The following DNAH10 variants were observed in gnomAD, a reference collection of about 807,000 sequenced individuals.
DNAH10 encodes the protein dynein axonemal heavy chain 10.
In DNAH10, 348 loss-of-function variants were observed where a neutral mutation model predicts 506.6. That is an observed-to-expected ratio of 0.69 (90% CI 0.63 to 0.75). The LOEUF is 0.75. DNAH10 is among the 30% of genes least tolerant of loss of function. The pLI, the probability that DNAH10 is intolerant of heterozygous loss-of-function variation, is 0.00. For missense variants in DNAH10, 5,179 were observed against 5,787.1 expected, an observed-to-expected ratio of 0.89 and a Z score of 3.41; for synonymous variants, 2,059 against 2,198.6, an observed-to-expected ratio of 0.94 and a Z score of 1.78.
rs772107440 is a variant in DNAH10, at chr12:123,790,063, G to A, written c.1757G>A (p.Ser586Asn). 2.5e-6 allele frequency: 4 copies of A among 1,614,142 alleles called. No individual in the cohort carries two copies. The highest frequency in any genetic ancestry group is 2.2e-5 in the East Asian group (1 of 44,874). ...GAAAACCTGACCTTTGACCCCTTCA[G>A]CATCAAGTCCTCCCAGTTCTGGAAA... is the stretch of plus-strand genomic sequence containing the variant. ...PMENLTFDPF[S>N]IKSSQFWKYV... The change falls in exon 11 of 79, where the codon AGC (serine) becomes AAC (asparagine). Residue 586 changes from serine to asparagine, a missense_variant. Physicochemically the swap from Ser to Asn is conservative, Grantham distance 46. Around this residue, in one of 3 missense-constraint regions of DNAH10, gnomAD observed 4,844 missense variants for 5,430.5 expected, o/e 0.89. Coordinates refer to ENST00000673944, the MANE Select transcript of DNAH10 (RefSeq NM_001372106.1).
Position 123,928,145 on chromosome 12 carries a change from G to T in DNAH10, c.12106-242G>T. The T allele has an allele frequency of 1.7e-6, 1 of 590,530 alleles. No homozygotes were observed. Among genetic ancestry groups the T allele is most frequent in the South Asian group, 2.0e-5 (1 of 49,046 alleles). The allele number at this position is 590,530 out of a possible 1,614,324, so 36.6% of individuals were successfully genotyped here. On this transcript the variant is annotated intron_variant, in intron 69 of 78. Coordinates refer to ENST00000673944, the MANE Select transcript of DNAH10 (RefSeq NM_001372106.1). The surrounding 1 kb of genome is among the most constrained non-coding windows in gnomAD (Gnocchi z 4.9). ...CTTCCAGGGCCAGGGAGGCAGATGA[G>T]TGCAAAATGCTCACCCATCTTCCAG...
intron 24 of DNAH10, among the ~76,000 whole-genome samples, chr12:123,823,318 G>A (rs1959618481): frequency 6.6e-6 from 1 of 152,244 alleles, no homozygotes; most frequent in African/African-American, 2.4e-5. Context: ...GAAGCGGCCG[G>A]TGGAGATGAA....
chr12:123,762,522 G>A lies in DNAH10; in HGVS notation c.186G>A (p.Met62Ile). The part of the protein sequence containing the change: ...GPSALFIYRT[M>I]VPEEVEVEID... ...CGGCGCTCTTCATCTACCGCACTAT[G>A]GTGCCGGAGGAGGTGGAGGTGGAGA... Residue 62 changes from methionine (M) to isoleucine (I), a missense_variant, in exon 1 of 79, where the codon ATG (methionine) becomes ATA (isoleucine). Met to Ile is a conservative substitution (Grantham distance 10). Transcript: ENST00000673944. The surrounding 1 kb of genome is among the most constrained non-coding windows in gnomAD (Gnocchi z 5.0). The A allele has an allele frequency of 1.3e-6, 2 of 1,556,502 alleles. No individual in the cohort carries two copies. The highest frequency in any genetic ancestry group is 1.7e-6 in the Non-Finnish European group (2 of 1,151,044).
intron 13 of DNAH10, among the ~76,000 whole-genome samples, chr12:123,798,513 C>T (rs1305055002): frequency 1.3e-5 from 2 of 152,116 alleles, no homozygotes; most frequent in South Asian, 2.1e-4. Context: ...ATTCCGCCTT[C>T]GTGATCCAGT....
At chr12:123,915,512 AC>A (rs1459919182) in intron 62 of DNAH10, among the ~76,000 whole-genome samples, 2 of 146,456 alleles carry the variant, frequency 1.4e-5, no homozygotes, top group African/African-American at 2.7e-5. Flanking sequence ...TTTAGCCATC[AC>A]CCCTCCAGTC....
At chr12:123,863,664 G>C (rs1026089813) in intron 39 of DNAH10, among the ~76,000 whole-genome samples, 1 of 152,084 alleles carries the variant, frequency 6.6e-6, no homozygotes, top group Admixed American at 6.5e-5. Flanking sequence ...TCTCTTATAA[G>C]GACATTTGTC....
chr12:123,869,370 G>A (rs1025761631), intron 43 of DNAH10, among the ~76,000 whole-genome samples: 1 of 151,878 alleles, frequency 6.6e-6, no homozygotes, highest in African/African-American at 2.4e-5. Context: ...GAATCCCTCC[G>A]AGAAAACTCC....
chr12:123,895,174 T>C (rs1040004247), intron 54 of DNAH10, among the ~76,000 whole-genome samples: 1 of 152,248 alleles, frequency 6.6e-6, no homozygotes, highest in African/African-American at 2.4e-5. Flanking sequence ...ATCCAAAGAA[T>C]GCTCCAAGGA....
rs773000743 is a variant in DNAH10 at position 123,838,602 on chromosome 12, C to T, written c.5049C>T (p.Phe1683=). The T allele has an allele frequency of 9.3e-6, 15 of 1,614,018 alleles. No individual in the cohort carries two copies. Among genetic ancestry groups the T allele is most frequent in the Non-Finnish European group, 1.3e-5 (15 of 1,179,908 alleles). The change falls in exon 29 of 79, where the codon TTC becomes TTT. Residue 1683 remains phenylalanine, a synonymous_variant. Coordinates refer to ENST00000673944, the MANE Select transcript of DNAH10 (RefSeq NM_001372106.1). ...ACTTAGATTCGAAGAGAAATGCTTTCCCAAGGTTCTTCTTCATTTCTGACG... is the reference window on the plus strand; with the variant it reads ...ACTTAGATTCGAAGAGAAATGCTTTTCCAAGGTTCTTCTTCATTTCTGACG... ...NDYLDSKRNA[F]PRFFFISDDE... is the part of the protein sequence containing the mutation.
At chr12:123,837,142 T>C (rs950916149) in intron 28 of DNAH10, among the ~76,000 whole-genome samples, 4 of 138,738 alleles carry the variant, frequency 2.9e-5, no homozygotes, top group Non-Finnish European at 4.6e-5. Flanking sequence ...TGAGCCACTG[T>C]GCCCAGCCGG....
chr12:123,806,591 C>G (rs1299500886), intron 18 of DNAH10, among the ~76,000 whole-genome samples: 1 of 152,070 alleles, frequency 6.6e-6, no homozygotes, highest in Non-Finnish European at 1.5e-5. Flanking sequence ...AAAACAAAAA[C>G]CTTTGGTCTT....
At chr12:123,862,780 A>G (rs1471036927) in intron 39 of DNAH10, among the ~76,000 whole-genome samples, 1 of 152,172 alleles carries the variant, frequency 6.6e-6, no homozygotes, top group African/African-American at 2.4e-5. Context: ...AGATAATAGT[A>G]TTGTATCAAT....
rs1397747286 is a variant in DNAH10, at chr12:123,916,162, C to G, written c.10723-295C>G. ...GAGCACTGAAATTGTCAGCCTACCC[C>G]TAGTCCAATTCCAACATCTACCCTC... On this transcript the variant is annotated intron_variant, in intron 62 of 78. Transcript: ENST00000673944. The surrounding 1 kb of genome is among the most constrained non-coding windows in gnomAD (Gnocchi z 4.6). 6.6e-6 allele frequency among the ~76,000 whole-genome samples: 1 copy of G among 152,182 alleles called. No homozygotes were observed. Among genetic ancestry groups the G allele is most frequent in the Non-Finnish European group, 1.5e-5 (1 of 68,036 alleles).
Position 123,867,557 on chromosome 12 carries a change from G to A in DNAH10, c.7258G>A (p.Ala2420Thr). The change falls in exon 42 of 79, where the codon GCA becomes ACA. Residue 2420 changes from alanine (A) to threonine (T), a missense_variant. Ala to Thr is a moderately conservative substitution (Grantham distance 58, BLOSUM62 0). Transcript: ENST00000673944. ...GGAAGGAATTGTGGATGGAAGACAA[G>A]CAGAAAAGCTGAAGACAATAGTTCC... ...IVEGIVDGRQAEKLKTIVPQT... is the reference protein window; with the variant it reads ...IVEGIVDGRQTEKLKTIVPQT... 2 of 1,613,984 alleles carry A rather than the reference G, an allele frequency of 1.2e-6. No individual in the cohort carries two copies. The highest frequency in any genetic ancestry group is 1.7e-6 in the Non-Finnish European group (2 of 1,179,892).
intron 1 of DNAH10, among the ~76,000 whole-genome samples, chr12:123,765,841 C>A (rs534307599): frequency 4.8e-5 from 7 of 147,112 alleles, no homozygotes; most frequent in African/African-American, 1.1e-4. Flanking sequence ...ATCTATATAT[C>A]TATCTACCTA....
Position 123,804,991 on chromosome 12 carries a change from A to T in DNAH10, c.2938A>T (p.Lys980Ter). Residue 980 changes from lysine to a stop codon, truncating the protein, a stop_gained, in exon 18 of 79, where the codon AAA (lysine) becomes TAA (stop). Transcript: ENST00000673944. LOFTEE classifies it high-confidence loss of function. ...GKAPKLASYYKYWEKKIYEVL... is the reference protein window; with the variant it reads ...GKAPKLASYY ...GGCCCCCAAGCTGGCCTCCTACTAC[A>T]AATACTGGGAAAAGAAAATTTATGA... 6.2e-6 allele frequency: 10 copies of T among 1,614,238 alleles called. No homozygotes were observed. The highest frequency in any genetic ancestry group is 8.5e-6 in the Non-Finnish European group (10 of 1,180,034).
rs146509297 is a variant in DNAH10, at chr12:123,801,281, G to T, written c.2463G>T (p.Arg821Ser). The part of the protein sequence containing the change: ...NVALQEDKFL[R>S]YTAGIQRMLD... ...TTTATGACATTCCTGTCATGTGCAG[G>T]TACACAGCTGGGATACAGCGCATGT... Residue 821 changes from arginine to serine, a missense_variant and splice_region_variant, in exon 16 of 79, where the codon AGG becomes AGT. By Grantham distance (110) the Arg-to-Ser change is moderately radical. Transcript: ENST00000673944. 1 of 1,613,486 alleles carries T rather than the reference G, an allele frequency of 6.2e-7. No homozygotes were observed. The highest frequency in any genetic ancestry group is 2.2e-5 in the East Asian group (1 of 44,870).
intron 50 of DNAH10, among the ~76,000 whole-genome samples, chr12:123,881,331 A>T (rs1335721307): frequency 6.6e-6 from 1 of 152,074 alleles, no homozygotes; most frequent in East Asian, 1.9e-4. Flanking sequence ...TGACTTTTTA[A>T]TGATTGCCAT....
intron 73 of DNAH10, among the ~76,000 whole-genome samples, chr12:123,931,108 G>A (rs1415541414): frequency 6.6e-6 from 1 of 152,070 alleles, no homozygotes; most frequent in Admixed American, 6.6e-5. Flanking sequence ...CCAGCTACTT[G>A]GGAGGCTGAG....
Sources: gnomAD v4.1 joint callset for allele counts (sites outside exome capture counted in the v4.1 genomes callset) on GRCh38, gnomAD v4.1.1 for gene constraint, gnomAD v4.1.1 regional missense constraint, Gnocchi (gnomAD v3.1) non-coding constraint, MANE v1.5 for transcripts, NCBI Gene and HGNC (gene_info 2026-07-23, HGNC 2026-07-21) for gene names.